The following HYDIN variants were observed in gnomAD, a reference collection of about 807,000 sequenced individuals.
HYDIN encodes axonemal central pair apparatus protein HYDIN.
HYDIN carries 132 observed loss-of-function variants against 403.9 expected under a neutral mutation model. The observed-to-expected ratio is 0.33, with a 90% CI of 0.28 to 0.38. The LOEUF (loss-of-function observed/expected upper bound fraction) is 0.38. Among genes scored for constraint, HYDIN ranks in the 10% least tolerant of loss-of-function variants. The pLI, the probability that HYDIN is intolerant of heterozygous loss-of-function variation, is 1.00. For missense variants in HYDIN, 2,827 were observed against 5,009.5 expected, an observed-to-expected ratio of 0.56 and a Z score of 13.15; for synonymous variants, 1,202 against 1,891.7, an observed-to-expected ratio of 0.64 and a Z score of 9.46.
chr16:70,874,783 C>T (rs762390228), intron 63 of HYDIN, 34 bp downstream of exon 63: 17 of 1,599,016 alleles, frequency 1.1e-5, no homozygotes, highest in Non-Finnish European at 1.4e-5. Flanking sequence ...TACTGAGATC[C>T]ATTGCCCTCT....
At chr16:70,870,738 T>C (rs956432694) in intron 65 of HYDIN, among the ~76,000 whole-genome samples, 2 of 151,540 alleles carry the variant, frequency 1.3e-5, no homozygotes, top group African/African-American at 4.9e-5. Context: ...CAGATAATAG[T>C]AGTATCTATG....
chr16:71,007,468 T>C (rs2079925144), intron 23 of HYDIN, among the ~76,000 whole-genome samples: 1 of 152,070 alleles, frequency 6.6e-6, no homozygotes, highest in Admixed American at 6.6e-5. Context: ...TAGAAGACAG[T>C]GGTTAAAACA....
chr16:71,165,796 T>G (rs1233285472), intron 5 of HYDIN, among the ~76,000 whole-genome samples: 2 of 150,290 alleles, frequency 1.3e-5, no homozygotes, highest in African/African-American at 4.9e-5. Flanking sequence ...AGCAGAGACA[T>G]GAGTGACAAA....
intron 52 of HYDIN, among the ~76,000 whole-genome samples, chr16:70,902,659 T>A (rs1378138185): frequency 6.8e-6 from 1 of 147,242 alleles, no homozygotes; most frequent in Non-Finnish European, 1.5e-5. Context: ...GGTTAATTGA[T>A]GGCCCCGAAG....
chr16:70,919,420 G>A (rs1229225687), intron 46 of HYDIN, among the ~76,000 whole-genome samples: 1 of 152,054 alleles, frequency 6.6e-6, no homozygotes, highest in East Asian at 2.0e-4. Context: ...TCCCCCAGCA[G>A]TCCTTCCCGC....
At chr16:70,976,734 A>G (rs2078899247) in intron 30 of HYDIN, among the ~76,000 whole-genome samples, 1 of 152,258 alleles carries the variant, frequency 6.6e-6, no homozygotes, top group African/African-American at 2.4e-5. Flanking sequence ...CATTTTGTAT[A>G]TAATAAATAA....
chr16:70,955,525 C>A lies in HYDIN; in HGVS notation c.6166G>T (p.Val2056Leu), dbSNP rs751359283. 1 of 1,525,144 alleles carries A rather than the reference C, an allele frequency of 6.6e-7. No individual in the cohort carries two copies. Among genetic ancestry groups the A allele is most frequent in the Non-Finnish European group, 9.0e-7 (1 of 1,110,278 alleles). The allele number at this position is 1,525,144 out of a possible 1,614,324, so 94.5% of individuals were successfully genotyped here. The change falls in exon 40 of 86, where the codon GTG (valine) becomes TTG (leucine). Residue 2056 changes from valine (V) to leucine (L), a missense_variant. Coordinates refer to ENST00000393567, the MANE Select transcript of HYDIN (RefSeq NM_001270974.2). ...LSGKSANAVS[V>L]AKYYNAACLS... ...CAGGCTGCGTTGTAGTACTTGGCCACGCTAACGGCATTGGCTGACTTTCCT... is the reference window on the plus strand; with the variant it reads ...CAGGCTGCGTTGTAGTACTTGGCCAAGCTAACGGCATTGGCTGACTTTCCT...
chr16:71,229,518 C>A (rs146146587), intron 1 of HYDIN, among the ~76,000 whole-genome samples: 7 of 152,296 alleles, frequency 4.6e-5, no homozygotes, highest in African/African-American at 7.2e-5. Context: ...ATCCTAATGT[C>A]CATCAGCTGA....
chr16:70,999,109 T>A, intron 23 of HYDIN, among the ~76,000 whole-genome samples: 1 of 152,272 alleles, frequency 6.6e-6, no homozygotes, highest in African/African-American at 2.4e-5. Context: ...ATGAATACCA[T>A]CTTTTTAAAA....
chr16:70,990,290 G>A (rs1450836810), intron 25 of HYDIN, among the ~76,000 whole-genome samples: 3 of 146,274 alleles, frequency 2.1e-5, no homozygotes, highest in African/African-American at 5.1e-5. Context: ...AGCTATTTGG[G>A]AGGCTGAAGC....
At chr16:71,047,584 A>G (rs1206956512) in intron 18 of HYDIN, among the ~76,000 whole-genome samples, 3 of 151,778 alleles carry the variant, frequency 2.0e-5, no homozygotes, top group Non-Finnish European at 4.4e-5. Flanking sequence ...GAAGAACCCA[A>G]TCCATTTTGG....
At chr16:71,194,570 A>G (rs1417994717) in intron 1 of HYDIN, among the ~76,000 whole-genome samples, 1 of 152,226 alleles carries the variant, frequency 6.6e-6, no homozygotes, top group Non-Finnish European at 1.5e-5. Flanking sequence ...TAAATAATGG[A>G]GATAACAATA....
At chr16:70,879,532 G>T (rs776955326) in intron 61 of HYDIN, 46 bp from the exon 62 acceptor site, 36 of 1,608,196 alleles carry the variant, frequency 2.2e-5, no homozygotes, top group Non-Finnish European at 3.1e-5. Context: ...GGCATGGTGG[G>T]AATGACACTC....
chr16:71,126,856 T>C (rs1307513289), intron 9 of HYDIN, among the ~76,000 whole-genome samples: 1 of 152,068 alleles, frequency 6.6e-6, no homozygotes, highest in East Asian at 1.9e-4. Context: ...CCCAACTCAC[T>C]CATCTGAGAC....
chr16:71,188,267 C>T (rs1372352549), intron 1 of HYDIN, among the ~76,000 whole-genome samples: 1 of 152,140 alleles, frequency 6.6e-6, no homozygotes, highest in Non-Finnish European at 1.5e-5. Context: ...GCAGCTGGCA[C>T]TACTGGATTC....
At chr16:70,931,523 T>C (rs1223634188) in intron 45 of HYDIN, among the ~76,000 whole-genome samples, 3 of 151,752 alleles carry the variant, frequency 2.0e-5, no homozygotes, top group African/African-American at 7.3e-5. Flanking sequence ...TTGTTAGAAA[T>C]ATAGTCTCAT....
intron 7 of HYDIN, among the ~76,000 whole-genome samples, chr16:71,149,612 C>T (rs112689428): frequency 0.17 from 26,282 of 151,972 alleles, 2,957 homozygotes; most frequent in Middle Eastern, 0.38. Context: ...CTATAACCTC[C>T]GCCTCCCGGG....
At chr16:71,192,629 T>C (rs2087491460) in intron 1 of HYDIN, among the ~76,000 whole-genome samples, 2 of 152,158 alleles carry the variant, frequency 1.3e-5, no homozygotes, top group Non-Finnish European at 2.9e-5. Context: ...CAGATTCAGC[T>C]GTCACCTCTT....
At chr16:71,187,830 A>C (rs1162940776) in intron 1 of HYDIN, among the ~76,000 whole-genome samples, 1 of 152,186 alleles carries the variant, frequency 6.6e-6, no homozygotes, top group East Asian at 1.9e-4. Flanking sequence ...AAAAGGAAAA[A>C]GGGGTCATTA....
Sources: allele counts gnomAD v4.1 joint callset (sites outside exome capture counted in the v4.1 genomes callset), GRCh38; gene constraint gnomAD v4.1.1; transcripts MANE v1.5; gene names NCBI Gene and HGNC (gene_info 2026-07-23, HGNC 2026-07-21).